MED13L: variants seen among roughly 807,000 people sequenced by gnomAD.
MED13L encodes the protein mediator complex subunit 13L.
In MED13L, 7 loss-of-function variants were observed where a neutral mutation model predicts 220.9. The observed-to-expected ratio is 0.03, with a 90% CI of 0.02 to 0.06. The LOEUF (loss-of-function observed/expected upper bound fraction) is 0.06. Among genes scored for constraint, MED13L ranks in the 10% least tolerant of loss-of-function variants. The pLI is 1.00. For synonymous variants in MED13L, 1,011 were observed against 1,015.2 expected, an observed-to-expected ratio of 1.00 and a Z score of 0.08; for missense variants, 1,965 against 2,760.5, an observed-to-expected ratio of 0.71 and a Z score of 6.46.
chr12:116,144,182 T>G (rs577261309), intron 2 of MED13L, among the ~76,000 whole-genome samples: 1 of 152,338 alleles, frequency 6.6e-6, no homozygotes, highest in South Asian at 2.1e-4. Context: ...CATTAACTCA[T>G]GTGATTCCAT....
At chr12:116,086,041 A>C (rs1343346582) in intron 4 of MED13L, among the ~76,000 whole-genome samples, 1 of 152,130 alleles carries the variant, frequency 6.6e-6, no homozygotes, top group Non-Finnish European at 1.5e-5. Context: ...GAAATGCTAG[A>C]CAACGCTTGG....
Position 115,975,610 on chromosome 12 carries a change from A to G in MED13L, c.5493T>C (p.Cys1831=). 1 of 1,614,158 alleles carries G rather than the reference A, an allele frequency of 6.2e-7. No individual in the cohort carries two copies. Reference sequence around the variant, plus strand: ...AAAGCCAGCGCTGGTCGTGAGACAGACAATAGCCCACGAAGAGCACATTGT... The same window carrying G: ...AAAGCCAGCGCTGGTCGTGAGACAGGCAATAGCCCACGAAGAGCACATTGT... ...QKYNVLFVGY[C]LSHDQRWLLA... The change falls in exon 24 of 31, where the codon TGT becomes TGC. Residue 1831 remains cysteine, a synonymous_variant. Transcript: ENST00000281928.
chr12:116,234,215 C>CTATT (rs74508824), intron 2 of MED13L, among the ~76,000 whole-genome samples: 42,318 of 149,724 alleles, frequency 0.28, 6,433 homozygotes, highest in South Asian at 0.46. Context: ...CAGGATTCTG[C>CTATT]TATTTATTTA....
intron 4 of MED13L, among the ~76,000 whole-genome samples, chr12:116,077,583 A>T (rs992330744): frequency 4.6e-5 from 7 of 152,246 alleles, no homozygotes; most frequent in Non-Finnish European, 8.8e-5. Flanking sequence ...TACTATCTGC[A>T]TAAGAAAGGG....
At chr12:115,967,150 AAC>A (rs537487323) in intron 28 of MED13L, among the ~76,000 whole-genome samples, 1 of 145,086 alleles carries the variant, frequency 6.9e-6, no homozygotes, top group Non-Finnish European at 1.5e-5. Context: ...TAGCTTGAGC[AAC>A]AGAGTGAGAC....
intron 14 of MED13L, among the ~76,000 whole-genome samples, chr12:116,000,744 T>C (rs1020544586): frequency 5.3e-5 from 8 of 152,178 alleles, no homozygotes; most frequent in Non-Finnish European, 1.2e-4. Flanking sequence ...TACCTTAACA[T>C]AAACTTGATA....
At chr12:116,005,757 G>A in intron 13 of MED13L, 112 bp downstream of exon 13, 7 of 1,385,164 alleles carry the variant, frequency 5.1e-6, no homozygotes, top group Non-Finnish European at 6.1e-6. Context: ...TTCAGAACCT[G>A]AAATAAGAGC....
chr12:115,991,964 A>G lies in MED13L; in HGVS notation c.2997-7T>C, dbSNP rs765690413. 6.3e-7 allele frequency: 1 copy of G among 1,597,586 alleles called. No individual in the cohort carries two copies. The highest frequency in any genetic ancestry group is 8.5e-7 in the Non-Finnish European group (1 of 1,178,514). ...CCCAACACTAGGCACGTTACTACAA[A>G]AAGAGAAGGCACCAAGTGAGGAAGG... On this transcript the variant is annotated splice_region_variant and splice_polypyrimidine_tract_variant and intron_variant, in intron 16 of 30. Transcript: ENST00000281928. The surrounding 1 kb of genome is among the most constrained non-coding windows in gnomAD (Gnocchi z 7.7).
chr12:116,089,128 A>T (rs1379682262), intron 4 of MED13L, among the ~76,000 whole-genome samples: 1 of 152,224 alleles, frequency 6.6e-6, no homozygotes, highest in East Asian at 1.9e-4. Context: ...TGAAAATGAC[A>T]TTATCGGAAA....
At chr12:116,017,237 C>T (rs978203226) in intron 7 of MED13L, among the ~76,000 whole-genome samples, 2 of 151,962 alleles carry the variant, frequency 1.3e-5, no homozygotes, top group Non-Finnish European at 2.9e-5. Flanking sequence ...CACTGAAATC[C>T]CCCATCAAAA....
rs56159580 is a variant in MED13L, at chr12:115,982,643, T to C, written c.4956-40A>G. 260,015 of 1,513,576 alleles carry C rather than the reference T, an allele frequency of 0.17. 23,396 individuals are homozygous for C. The highest frequency in any genetic ancestry group is 0.21 in the Middle Eastern group (1,207 of 5,878). 93.8% of individuals were successfully genotyped at this position (1,513,576 alleles called of 1,614,324 possible). On this transcript the variant is annotated intron_variant, in intron 21 of 30. Coordinates refer to ENST00000281928, the MANE Select transcript of MED13L (RefSeq NM_015335.5). ...ACTTGTGAGATGCACAAAATAAATA[T>C]AAATTACACGAACATGAAAAACAAA...
rs180989474 is a variant in MED13L, at chr12:115,989,829, C to G, written c.3934+1191G>C. Among the ~76,000 whole-genome samples the G allele has an allele frequency of 1.9e-3, 292 of 152,302 alleles. 2 individuals carry two copies. Among genetic ancestry groups the G allele is most frequent in the Admixed American group, 0.012 (190 of 15,298 alleles). ...CACCTTCTTCACAAGGACACTAAGG[C>G]AAGCTATTGTTTCTTACTAGGTCTT... On this transcript the variant is annotated intron_variant, in intron 17 of 30. Coordinates refer to ENST00000281928, the MANE Select transcript of MED13L (RefSeq NM_015335.5).
At chr12:115,970,889 A>C in intron 26 of MED13L, 119 bp from the exon 27 acceptor site, 2 of 947,282 alleles carry the variant, frequency 2.1e-6, no homozygotes, top group East Asian at 5.2e-5. Flanking sequence ...ATACACATTC[A>C]AAATTGAGTC....
Position 115,980,957 on chromosome 12 carries a change from A to G in MED13L, c.5176-19T>C. On this transcript the variant is annotated intron_variant, in intron 22 of 30. Transcript: ENST00000281928. ...GCACAATCTAAAGACACAAATACAA[A>G]AAAAAAACAAAAACCAAAAACCTAG... The G allele has an allele frequency of 6.2e-7, 1 of 1,601,540 alleles. No individual in the cohort carries two copies. The highest frequency in any genetic ancestry group is 8.5e-7 in the Non-Finnish European group (1 of 1,178,194).
intron 4 of MED13L, among the ~76,000 whole-genome samples, chr12:116,039,229 T>C (rs375939765): frequency 1.3e-5 from 2 of 152,368 alleles, no homozygotes; most frequent in Non-Finnish European, 2.9e-5. Context: ...TGGCACTCAC[T>C]GTGGCTTGGC....
intron 21 of MED13L, 145 bp downstream of exon 21, chr12:115,982,972 G>C (rs893887987): frequency 1.2e-6 from 1 of 830,902 alleles, no homozygotes; most frequent in Non-Finnish European, 1.9e-6. Context: ...GCTTTAGATC[G>C]ACCATTGCCC....
At chr12:116,255,502 G>C (rs1191600579) in intron 1 of MED13L, among the ~76,000 whole-genome samples, 1 of 152,140 alleles carries the variant, frequency 6.6e-6, no homozygotes, top group Non-Finnish European at 1.5e-5. Context: ...GAAAAGTATA[G>C]ATTTATAAAA....
At chr12:116,108,147 A>G (rs987536994) in intron 3 of MED13L, among the ~76,000 whole-genome samples, 2 of 152,110 alleles carry the variant, frequency 1.3e-5, no homozygotes. Context: ...CTTTCAAGCC[A>G]GAAACTCACA....
At chr12:116,042,039 T>C (rs901482684) in intron 4 of MED13L, among the ~76,000 whole-genome samples, 1 of 152,234 alleles carries the variant, frequency 6.6e-6, no homozygotes, top group Non-Finnish European at 1.5e-5. Flanking sequence ...TACTCAGCAC[T>C]GTATTTTAAA....
Sources: gnomAD v4.1 joint callset for allele counts (sites outside exome capture counted in the v4.1 genomes callset) on GRCh38, gnomAD v4.1.1 for gene constraint, Gnocchi (gnomAD v3.1) non-coding constraint, MANE v1.5 for transcripts, NCBI Gene and HGNC (gene_info 2026-07-23, HGNC 2026-07-21) for gene names.